DACH2: variants seen among roughly 807,000 people sequenced by gnomAD.
The protein encoded by DACH2 is dachshund homolog 2.
Under a neutral mutation model 35.8 loss-of-function variants are expected in DACH2, and 17 were observed. That is an observed-to-expected ratio of 0.48 (90% CI 0.33 to 0.71). DACH2 has a LOEUF of 0.71. DACH2 is among the 30% of genes least tolerant of loss of function. DACH2 has a pLI of 0.02. For synonymous variants in DACH2, 195 were observed against 177.3 expected (o/e 1.10, Z -0.79); for missense variants, 469 against 472.7 (o/e 0.99, Z 0.07).
intron 3 of DACH2, among the ~76,000 whole-genome samples, chrX:86,540,665 G>C (rs1455343196): frequency 9.0e-6 from 1 of 111,237 alleles, no homozygotes; most frequent in East Asian, 2.8e-4. Context: ...TTATTTGTTT[G>C]TTTTTTTGTA....
chrX:86,342,046 C>T (rs5968899), intron 1 of DACH2, among the ~76,000 whole-genome samples: 21,826 of 111,084 alleles, frequency 0.2, 2,535 homozygotes, highest in African/African-American at 0.44. Flanking sequence ...ATTACATAAA[C>T]GTAGTTGATA....
intron 2 of DACH2, among the ~76,000 whole-genome samples, chrX:86,393,244 C>G (rs1357464969): frequency 1.1e-4 from 12 of 111,294 alleles, no homozygotes; most frequent in African/African-American, 3.9e-4. Flanking sequence ...TGCTGTCTCT[C>G]TACCTGAAAC....
At chrX:86,551,600 G>C (rs1460942759) in intron 3 of DACH2, among the ~76,000 whole-genome samples, 1 of 111,818 alleles carries the variant, frequency 8.9e-6, no homozygotes, top group Non-Finnish European at 1.9e-5. Context: ...TCTTTTCCTT[G>C]TTACGAGTTA....
intron 7 of DACH2, among the ~76,000 whole-genome samples, chrX:86,796,275 C>A (rs542358475): frequency 1.8e-5 from 2 of 111,450 alleles, no homozygotes; most frequent in African/African-American, 6.5e-5. Flanking sequence ...ACACAAAGCG[C>A]TGATTGGTGC....
intron 1 of DACH2, among the ~76,000 whole-genome samples, chrX:86,360,838 T>C (rs913212900): frequency 3.6e-5 from 4 of 111,047 alleles, no homozygotes; most frequent in African/African-American, 1.3e-4. Flanking sequence ...ATGAAACTTA[T>C]ATATTAAATA....
intron 3 of DACH2, among the ~76,000 whole-genome samples, chrX:86,525,639 C>T (rs1451465471): frequency 1.8e-5 from 2 of 111,311 alleles, no homozygotes; most frequent in Non-Finnish European, 3.8e-5. Context: ...GCAAGTGTTG[C>T]CAAACTCCAC....
At chrX:86,299,744 T>TAG (rs2034537982) in intron 1 of DACH2, among the ~76,000 whole-genome samples, 1 of 111,825 alleles carries the variant, frequency 8.9e-6, no homozygotes, top group Admixed American at 9.5e-5. Flanking sequence ...TGCATCCACA[T>TAG]AGAGCTTGGC....
chrX:86,270,701 A>G (rs1327091386), intron 1 of DACH2, among the ~76,000 whole-genome samples: 2 of 111,776 alleles, frequency 1.8e-5, no homozygotes, highest in Non-Finnish European at 3.8e-5. Context: ...CTTTTAACTT[A>G]TTTATAATTG....
At chrX:86,285,469 A>G (rs1569329745) in intron 1 of DACH2, among the ~76,000 whole-genome samples, 1 of 111,946 alleles carries the variant, frequency 8.9e-6, no homozygotes, top group East Asian at 2.8e-4. Flanking sequence ...TTGTGTATTT[A>G]TATAGTTTCC....
intron 1 of DACH2, among the ~76,000 whole-genome samples, chrX:86,169,924 G>A (rs60080779): frequency 0.052 from 5,734 of 110,297 alleles, 384 homozygotes; most frequent in African/African-American, 0.18. Flanking sequence ...TGATGTGTGG[G>A]TGTTGAAGAG....
At chrX:86,161,220 ACATC>A (rs751095074) in intron 1 of DACH2, 1 of 1,184,325 alleles carries the variant, frequency 8.4e-7, no homozygotes, top group East Asian at 3.0e-5. Context: ...TAGTTGTTTC[ACATC>A]CAGTGTGTAA....
intron 10 of DACH2, 47 bp downstream of exon 10, chrX:86,814,881 C>T (rs767452219): frequency 1.8e-6 from 2 of 1,118,941 alleles, no homozygotes; most frequent in East Asian, 3.0e-5. Flanking sequence ...CAAAGCAAAA[C>T]TGATTGAAGA....
chrX:86,788,335 G>A, intron 7 of DACH2, among the ~76,000 whole-genome samples: 1 of 110,600 alleles, frequency 9.0e-6, no homozygotes, highest in East Asian at 2.9e-4. Flanking sequence ...GGTGCTAGCT[G>A]CAACCAATTA....
At chrX:86,643,855 G>A (rs891582088) in intron 3 of DACH2, among the ~76,000 whole-genome samples, 1 of 111,409 alleles carries the variant, frequency 9.0e-6, no homozygotes, top group Admixed American at 9.5e-5. Context: ...CGGAACTAAA[G>A]ACAAAAACCA....
intron 7 of DACH2, among the ~76,000 whole-genome samples, chrX:86,794,850 A>C (rs1022507163): frequency 9.0e-6 from 1 of 111,680 alleles, no homozygotes; most frequent in African/African-American, 3.3e-5. Context: ...TGTCAGAGAC[A>C]GTGGTAGGTA....
Position 86,526,801 on chromosome X carries a change from C to A in DACH2, c.640+12410C>A, listed in dbSNP as rs780814170. 4.5e-3 allele frequency among the ~76,000 whole-genome samples: 451 copies of A among 101,018 alleles called. 4 individuals carry two copies. The highest frequency in any genetic ancestry group is 0.016 in the African/African-American group (436 of 27,876). The allele number at this position is 101,018 out of a possible 115,157, so 87.7% of individuals were successfully genotyped here. ...TAGTAGAAATGAAAATTAGAATTCC[C>A]AGACTAAATTACAACATAAAAAGGG... is the stretch of plus-strand genomic sequence containing the variant. On this transcript the variant is annotated intron_variant, in intron 3 of 11. Transcript: ENST00000373125.
intron 1 of DACH2, chrX:86,160,431 C>T (rs1211321170): frequency 7.4e-6 from 4 of 538,007 alleles, no homozygotes; most frequent in South Asian, 7.3e-5. Context: ...GCAGCATCAC[C>T]GGACTTCAAG....
chrX:86,188,663 G>A (rs999065048), intron 1 of DACH2, among the ~76,000 whole-genome samples: 2 of 112,093 alleles, frequency 1.8e-5, no homozygotes, highest in South Asian at 7.4e-4. Context: ...AGAGTCAGTA[G>A]CAGGAGATGT....
chrX:86,752,307 G>T (rs1234669100), intron 7 of DACH2, among the ~76,000 whole-genome samples: 1 of 111,399 alleles, frequency 9.0e-6, no homozygotes, highest in African/African-American at 3.3e-5. Flanking sequence ...GCAGGTGAAA[G>T]GTGATATCTC....
Sources: allele counts gnomAD v4.1 joint callset (sites outside exome capture counted in the v4.1 genomes callset), GRCh38; gene constraint gnomAD v4.1.1; transcripts MANE v1.5; gene names NCBI Gene and HGNC (gene_info 2026-07-23, HGNC 2026-07-21).